Variants in CLIP4 observed in about 807,000 individuals in gnomAD.
CLIP4 encodes CAP-Gly domain containing linker protein family member 4, also known as CAP-Gly domain-containing linker protein 4.
CLIP4 carries 47 observed loss-of-function variants against 73.1 expected under a neutral mutation model. The ratio of observed to expected loss-of-function variants is 0.64; its 90% CI spans 0.51 to 0.82. The LOEUF (loss-of-function observed/expected upper bound fraction) is 0.82, where lower values mean the gene tolerates loss of function less well. Among genes scored for constraint, CLIP4 ranks in the 40% least tolerant of loss-of-function variants. The pLI is 0.00. For synonymous variants in CLIP4, 306 were observed against 295.4 expected (o/e 1.04, Z -0.37); for missense variants, 874 against 852.9 (o/e 1.02, Z -0.31).
chr2:29,131,586 C>T (rs1267462721), intron 3 of CLIP4, 189 bp downstream of exon 3: 4 of 510,094 alleles, frequency 7.8e-6, no homozygotes, highest in South Asian at 4.4e-5. Context: ...TTTCTTCATG[C>T]TCTGTACTTC....
At chr2:29,121,594 A>G in intron 2 of CLIP4, 73 bp downstream of exon 2, 1 of 1,523,394 alleles carries the variant, frequency 6.6e-7, no homozygotes. Context: ...TTTTGCACTC[A>G]TAGTCTTTCT....
intron 15 of CLIP4, chr2:29,175,232 G>C (rs1426670136): frequency 1.3e-5 from 2 of 152,244 alleles, no homozygotes; most frequent in African/African-American, 2.4e-5. Flanking sequence ...AAGCTTCACA[G>C]AGATCTGAAA....
intron 11 of CLIP4, 129 bp downstream of exon 11, chr2:29,157,476 T>C (rs974250931): frequency 2.8e-5 from 39 of 1,416,562 alleles, no homozygotes; most frequent in Non-Finnish European, 3.8e-5. Flanking sequence ...CTTTTACTCT[T>C]CCCCACCTCC....
At chr2:29,098,681 C>T (rs143216111) in intron 1 of CLIP4, among the ~76,000 whole-genome samples, 1,740 of 152,254 alleles carry the variant, frequency 0.011, 16 homozygotes, top group Non-Finnish European at 0.017. Flanking sequence ...ATTCACGTAT[C>T]GGTTCTCGTG....
intron 2 of CLIP4, among the ~76,000 whole-genome samples, chr2:29,128,795 A>G (rs1195446104): frequency 1.3e-5 from 2 of 152,162 alleles, no homozygotes; most frequent in Non-Finnish European, 2.9e-5. Context: ...TCAGCAAAAA[A>G]CATATCTTCC....
At chr2:29,140,603 G>A (rs1665694187) in intron 6 of CLIP4, among the ~76,000 whole-genome samples, 1 of 152,142 alleles carries the variant, frequency 6.6e-6, no homozygotes, top group African/African-American at 2.4e-5. Context: ...CCATTAATGG[G>A]ATGGCTGGGT....
At chr2:29,171,066 G>C (rs1667970426) in intron 14 of CLIP4, among the ~76,000 whole-genome samples, 1 of 152,094 alleles carries the variant, frequency 6.6e-6, no homozygotes, top group Non-Finnish European at 1.5e-5. Flanking sequence ...CTTCAATGTT[G>C]TGTTGGTTAT....
rs747652211 is a variant in CLIP4 at position 29,181,636 on chromosome 2, G to A, written c.1861G>A (p.Val621Met). The A allele has an allele frequency of 2.8e-5, 45 of 1,614,022 alleles. No homozygotes were observed. The highest frequency in any genetic ancestry group is 6.7e-5 in the African/African-American group (5 of 74,924). ...TPTAGGIEGS[V>M]KLHEGSQVLL... The stretch of plus-strand genomic sequence containing the variant: ...CACCGCAGGTGGCATTGAAGGGAGC[G>A]TGAAGCTGCACGAGGGGTCTCAGGT... The change falls in exon 16 of 16, where the codon GTG becomes ATG. Residue 621 changes from valine to methionine, a missense_variant. Coordinates refer to ENST00000320081, the MANE Select transcript of CLIP4 (RefSeq NM_024692.6).
intron 2 of CLIP4, among the ~76,000 whole-genome samples, chr2:29,122,539 A>G (rs1163225384): frequency 1.3e-5 from 2 of 152,178 alleles, no homozygotes; most frequent in African/African-American, 2.4e-5. Flanking sequence ...TTATCTCAAA[A>G]AGGCTAATAT....
At chr2:29,147,715 C>G (rs1303795593) in intron 8 of CLIP4, among the ~76,000 whole-genome samples, 1 of 152,074 alleles carries the variant, frequency 6.6e-6, no homozygotes, top group Non-Finnish European at 1.5e-5. Context: ...TCAAAATCCT[C>G]TCTTTTAGCT....
rs887539715 is a variant in CLIP4 at position 29,167,593 on chromosome 2, T to C, written c.1723+53T>C. ...ATCAATATTTCTTTGCTTTCATTTA[T>C]TGAAAAATTTTTATTATGAGGTATT... On this transcript the variant is annotated intron_variant, in intron 14 of 15. Coordinates refer to ENST00000320081, the MANE Select transcript of CLIP4 (RefSeq NM_024692.6). 5.0e-6 allele frequency: 7 copies of C among 1,407,248 alleles called. No individual in the cohort carries two copies. In the African/African-American group the frequency reaches 5.8e-5, roughly 12 times the overall value. 87.2% of individuals were successfully genotyped at this position (1,407,248 alleles called of 1,614,324 possible).
intron 2 of CLIP4, chr2:29,130,945 CCTGGTTTT>C: frequency 7.8e-7 from 1 of 1,278,844 alleles, no homozygotes; most frequent in Non-Finnish European, 1.0e-6. Context: ...TGGAGACAGA[CCTGGTTTT>C]CTACCCCAGA....
rs185938405 is a variant in CLIP4, at chr2:29,129,108, A to T, written c.134-2150A>T. Among the ~76,000 whole-genome samples the T allele has an allele frequency of 4.3e-4, 66 of 152,326 alleles. 1 individual carries two copies. In the East Asian group the frequency reaches 0.01, roughly 24 times the overall value. ...TTCATGAGACATTAAATAGCTAAGC[A>T]TCATCTTGTTTTTCTTGCTGAGAAA... On this transcript the variant is annotated intron_variant, in intron 2 of 15. Transcript: ENST00000320081.
intron 15 of CLIP4, among the ~76,000 whole-genome samples, chr2:29,175,862 C>G (rs187573474): frequency 6.6e-6 from 1 of 151,888 alleles, no homozygotes; most frequent in South Asian, 2.1e-4. Flanking sequence ...CCCGGGTTCA[C>G]GCCATTCTTC....
chr2:29,176,643 T>A (rs1226522231), intron 15 of CLIP4, among the ~76,000 whole-genome samples: 1 of 152,152 alleles, frequency 6.6e-6, no homozygotes, highest in African/African-American at 2.4e-5. Flanking sequence ...AGCTTGAGAT[T>A]TTACCATGGT....
intron 8 of CLIP4, among the ~76,000 whole-genome samples, chr2:29,152,117 A>G (rs532553751): frequency 2.6e-5 from 4 of 152,338 alleles, no homozygotes; most frequent in East Asian, 3.9e-4. Context: ...GTTAAGTAAC[A>G]TTTAAATTTT....
intron 15 of CLIP4, 152 bp downstream of exon 15, chr2:29,174,597 T>C (rs1336808287): frequency 1.5e-6 from 2 of 1,364,616 alleles, no homozygotes; most frequent in African/African-American, 3.0e-5. Flanking sequence ...TGAGAAGCGT[T>C]CTTCCTCCCT....
intron 8 of CLIP4, among the ~76,000 whole-genome samples, chr2:29,147,186 G>A (rs1666229554): frequency 6.6e-6 from 1 of 151,808 alleles, no homozygotes; most frequent in East Asian, 1.9e-4. Context: ...TATTTTAATT[G>A]GTATTTCTCT....
intron 1 of CLIP4, among the ~76,000 whole-genome samples, chr2:29,099,355 C>T (rs1221099525): frequency 1.3e-5 from 2 of 152,120 alleles, no homozygotes; most frequent in African/African-American, 4.8e-5. Context: ...TTTATGTCCA[C>T]GATCCATTTT....
Sources: allele counts gnomAD v4.1 joint callset (sites outside exome capture counted in the v4.1 genomes callset), GRCh38; gene constraint gnomAD v4.1.1; transcripts MANE v1.5; gene names NCBI Gene and HGNC (gene_info 2026-07-23, HGNC 2026-07-21).